The following PLEC variants were observed in gnomAD, a reference collection of about 807,000 sequenced individuals.
The protein encoded by PLEC is plectin, also known as hemidesmosomal protein 1.
A neutral mutation model predicts 392.8 loss-of-function variants in PLEC; 216 were observed. The ratio of observed to expected loss-of-function variants is 0.55; its 90% confidence interval spans 0.49 to 0.62. The LOEUF (loss-of-function observed/expected upper bound fraction) is 0.62. Among genes scored for constraint, PLEC ranks in the 20% least tolerant of loss-of-function variants. The pLI, the probability that PLEC is intolerant of heterozygous loss-of-function variation, is 0.00. For missense variants in PLEC, 6,863 were observed against 6,563.4 expected, an observed-to-expected ratio of 1.05 and a Z score of -1.58; for synonymous variants, 3,621 against 2,980.6, an observed-to-expected ratio of 1.21 and a Z score of -7.00.
Position 143,922,654 on chromosome 8 carries a change from C to T in PLEC, c.7275G>A (p.Gln2425=). The stretch of plus-strand genomic sequence containing the variant: ...GTGTCTGCACCAGGGTCACCTTCTC[C>T]TGGGTGGCGAGCTCCGTGCGGTGCA... The part of the protein sequence containing the change: ...EKLHRTELAT[Q]EKVTLVQTLE... The change falls in exon 31 of 32, where the codon CAG becomes CAA. Residue 2425 remains glutamine (Q), a synonymous_variant. Coordinates refer to ENST00000345136, the MANE Select transcript of PLEC (RefSeq NM_201384.3). The T allele has an allele frequency of 6.2e-7, 1 of 1,613,532 alleles. No individual in the cohort carries two copies. Among genetic ancestry groups the T allele is most frequent in the East Asian group, 2.2e-5 (1 of 44,878 alleles).
At chr8:143,952,106 C>T (rs115772547), upstream of PLEC, among the ~76,000 whole-genome samples, 1,117 of 152,216 alleles carry the variant, frequency 7.3e-3, 20 homozygotes, top group African/African-American at 0.026. Context: ...GGCCAGCAGC[C>T]GGCAGGCGGC....
Position 143,935,071 on chromosome 8 carries a change from G to C in PLEC, c.765C>G (p.Val255=), listed in dbSNP as rs1160529172. The part of the protein sequence containing the change: ...QPDEKSIITY[V]SSLYDAMPRV... ...GGGGCATGGCGTCATACAGCGACGAGACGTAGGTGATGATGGACTTCTCGT... is the reference window on the plus strand; with the variant it reads ...GGGGCATGGCGTCATACAGCGACGACACGTAGGTGATGATGGACTTCTCGT... Residue 255 remains valine, a synonymous_variant, in exon 8 of 32, where the codon GTC becomes GTG. Coordinates refer to ENST00000345136, the MANE Select transcript of PLEC (RefSeq NM_201384.3). The C allele has an allele frequency of 6.2e-7, 1 of 1,612,984 alleles. No homozygotes were observed. Among genetic ancestry groups the C allele is most frequent in the African/African-American group, 1.3e-5 (1 of 75,062 alleles).
Position 143,938,502 on chromosome 8 carries a change from A to G in PLEC, c.174+129T>C, listed in dbSNP as rs1343464966. 16 of 1,563,624 alleles carry G rather than the reference A, an allele frequency of 1.0e-5. No homozygotes were observed. In the Admixed American group the frequency reaches 2.7e-4, roughly 27 times the overall value. Reference sequence around the variant, plus strand: ...GTAGGGAAGAAAGAGGACAGAAAATAACAGGTTTCAGAGATGAAAGGTGAG... The same window carrying G: ...GTAGGGAAGAAAGAGGACAGAAAATGACAGGTTTCAGAGATGAAAGGTGAG... On this transcript the variant is annotated intron_variant, in intron 2 of 31. Coordinates refer to ENST00000345136, the MANE Select transcript of PLEC (RefSeq NM_201384.3).
At chr8:143,939,300 C>T (rs372222397) in intron 1 of PLEC, 50 bp downstream of exon 1, 301 of 1,578,092 alleles carry the variant, frequency 1.9e-4, no homozygotes, top group Non-Finnish European at 1.2e-4. Context: ...GCCTTCCTCC[C>T]GCAGGGGCCC....
At chr8:143,926,298 CG>C (rs1482336927) in intron 30 of PLEC, among the ~76,000 whole-genome samples, 1 of 152,130 alleles carries the variant, frequency 6.6e-6, no homozygotes, top group Non-Finnish European at 1.5e-5. Context: ...CTGGGTGGGG[CG>C]GGGTGAGGCG....
In PLEC at chr8:143,934,019, C is replaced by A; in HGVS notation, c.1242G>T (p.Gln414His). ...TCACCGACTGCAGCAGGGCGTCGGC[C>A]TGGTTCAGCTGCTCCTCACACAGCC... ...EAGLCEEQLN[Q>H]ADALLQSDVR... The change falls in exon 12 of 32, where the codon CAG becomes CAT. Residue 414 changes from glutamine to histidine, a missense_variant. Physicochemically the swap from Gln to His is conservative, Grantham distance 24 (BLOSUM62 0). Coordinates refer to ENST00000345136, the MANE Select transcript of PLEC (RefSeq NM_201384.3). The A allele has an allele frequency of 6.2e-7, 1 of 1,609,876 alleles. No individual in the cohort carries two copies. Among genetic ancestry groups the A allele is most frequent in the Non-Finnish European group, 8.5e-7 (1 of 1,179,272 alleles).
rs984387491 is a variant in PLEC, at chr8:143,924,519, C to T, written c.5410G>A (p.Ala1804Thr). The change falls in exon 31 of 32, where the codon GCC becomes ACC. Residue 1804 changes from alanine to threonine, a missense_variant. Coordinates refer to ENST00000345136, the MANE Select transcript of PLEC (RefSeq NM_201384.3). ...TCTTCCGCCAGGGCACGCAGGCGGG[C>T]GGCCTCCTCGGCCAGCTCGCGGAAC... ...GRFRELAEEA[A>T]RLRALAEEAK... 1.4e-5 allele frequency: 22 copies of T among 1,535,254 alleles called. No homozygotes were observed. Among genetic ancestry groups the T allele is most frequent in the South Asian group, 4.7e-5 (4 of 84,648 alleles).
At chr8:143,958,762 G>T, upstream of PLEC, 1 of 369,848 alleles carries the variant, frequency 2.7e-6, no homozygotes, top group Admixed American at 2.9e-5. The surrounding 1 kb of genome is among the most constrained non-coding windows in gnomAD (Gnocchi z 4.9). Flanking sequence ...ATCCATGGTG[G>T]CTCCCCCTTC....
At chr8:143,975,449 C>T (rs1833629430), upstream of PLEC, 4 of 1,284,396 alleles carry the variant, frequency 3.1e-6, no homozygotes, top group Admixed American at 5.4e-5. This position sits in a 1 kb window ranked among gnomAD's most constrained non-coding sequence, Gnocchi z 9.9. Flanking sequence ...CACCCACCAC[C>T]TTCTTAACCT....
At chr8:143,955,976 A>T (rs1347319849), upstream of PLEC, among the ~76,000 whole-genome samples, 1 of 137,476 alleles carries the variant, frequency 7.3e-6, no homozygotes, top group Non-Finnish European at 1.6e-5. Flanking sequence ...ACTGAGGCAG[A>T]ATCTCGCTCT....
chr8:143,938,608 A>G, intron 2 of PLEC, 23 bp downstream of exon 2: 1 of 1,612,256 alleles, frequency 6.2e-7, no homozygotes, highest in Non-Finnish European at 8.5e-7. Flanking sequence ...CCCCTGTGAC[A>G]CGCACCAGCA....
Position 143,917,249 on chromosome 8 carries a change from T to C in PLEC, c.12572A>G (p.Lys4191Arg), listed in dbSNP as rs782075595. ...GGAGCGGCGGTCGATGATCATGGAC[T>C]TGACCACGCCGTCCGAGGAGGAGAT... is the stretch of plus-strand genomic sequence containing the variant. Reference protein sequence around the residue: ...ITISSSDGVVKSMIIDRRSGR... With the variant: ...ITISSSDGVVRSMIIDRRSGR... The change falls in exon 32 of 32, where the codon AAG (lysine) becomes AGG (arginine). Residue 4191 changes from lysine (K) to arginine (R), a missense_variant. Coordinates refer to ENST00000345136, the MANE Select transcript of PLEC (RefSeq NM_201384.3). 1.7e-5 allele frequency: 28 copies of C among 1,612,228 alleles called. No individual in the cohort carries two copies. The African/African-American group carries it at 3.2e-4, about 18-fold the overall frequency.
chr8:143,917,999 T>C lies in PLEC; in HGVS notation c.11822A>G (p.Asp3941Gly). 6.2e-7 allele frequency: 1 copy of C among 1,612,100 alleles called. No individual in the cohort carries two copies. Among genetic ancestry groups the C allele is most frequent in the Non-Finnish European group, 8.5e-7 (1 of 1,179,872 alleles). Reference protein sequence around the residue: ...GTSCIAGVFVDATKERLSVYQ... With the variant: ...GTSCIAGVFVGATKERLSVYQ... ...CACCGAGAGCCGTTCCTTGGTGGCG[T>C]CCACGAAGACACCAGCGATGCAGCT... The change falls in exon 32 of 32, where the codon GAC becomes GGC. Residue 3941 changes from aspartate to glycine, a missense_variant. Physicochemically the swap from Asp to Gly is moderately conservative, Grantham distance 94. Transcript: ENST00000345136.
chr8:143,934,068 A>G lies in PLEC; in HGVS notation c.1193T>C (p.Val398Ala), dbSNP rs782716040. 1.2e-6 allele frequency: 2 copies of G among 1,611,782 alleles called. No individual in the cohort carries two copies. Among genetic ancestry groups the G allele is most frequent in the Non-Finnish European group, 1.7e-6 (2 of 1,179,558 alleles). Reference protein sequence around the residue: ...FERLECLQRIVTKLQMEAGLC... With the variant: ...FERLECLQRIATKLQMEAGLC... ...CCCCGCCTCCATCTGCAGCTTGGTC[A>G]CGATGCGCTGAAGACACTCCAGCCT... The change falls in exon 12 of 32, where the codon GTG becomes GCG. Residue 398 changes from valine (V) to alanine (A), a missense_variant. By Grantham distance (64) the Val-to-Ala change is moderately conservative. Coordinates refer to ENST00000345136, the MANE Select transcript of PLEC (RefSeq NM_201384.3).
chr8:143,953,839 A>T (rs544032210), upstream of PLEC: 11 of 1,597,272 alleles, frequency 6.9e-6, no homozygotes, highest in Middle Eastern at 8.3e-4. Context: ...CGCACTGCCC[A>T]GGCCAGCGCC....
intron 1 of PLEC, among the ~76,000 whole-genome samples, chr8:143,963,905 C>T (rs1418906852): frequency 4.6e-5 from 7 of 150,872 alleles, no homozygotes; most frequent in South Asian, 4.2e-4. Context: ...CTCTGCCTCT[C>T]GGGTTCAAGC....
chr8:143,950,140 C>T (rs1464657064), intron 1 of PLEC: 16 of 1,465,192 alleles, frequency 1.1e-5, no homozygotes, highest in South Asian at 1.4e-5. Context: ...CAACCAGACC[C>T]CTACTTGCCA....
upstream of PLEC, among the ~76,000 whole-genome samples, chr8:143,951,629 C>A (rs1333841535): frequency 1.3e-5 from 2 of 152,174 alleles, no homozygotes; most frequent in African/African-American, 2.4e-5. Context: ...TTCACCCCCA[C>A]CTCCAACCCA....
At chr8:143,940,564 C>T (rs112979447), upstream of PLEC, among the ~76,000 whole-genome samples, 44,727 of 152,134 alleles carry the variant, frequency 0.29, 7,853 homozygotes, top group Non-Finnish European at 0.39. Flanking sequence ...GGGTCCGGGG[C>T]GGAGCTGCCT....
Sources: allele counts gnomAD v4.1 joint callset (sites outside exome capture counted in the v4.1 genomes callset), GRCh38; gene constraint gnomAD v4.1.1; non-coding constraint Gnocchi (gnomAD v3.1); transcripts MANE v1.5; gene names NCBI Gene and HGNC (gene_info 2026-07-23, HGNC 2026-07-21).